BAG2: variants seen among roughly 807,000 people sequenced by gnomAD.
BAG2 encodes BAG cochaperone 2, also known as BAG family molecular chaperone regulator 2.
BAG2 carries 8 observed loss-of-function variants against 16.4 expected under a neutral mutation model. That is an observed-to-expected ratio of 0.49 (90% confidence interval 0.29 to 0.88). BAG2 has a LOEUF of 0.88. Ranked by LOEUF, BAG2 falls within the 40% of genes least tolerant of loss-of-function variation. The probability of loss-of-function intolerance (pLI) is 0.09; values close to 1 mark genes in which losing one functional copy is unlikely to be tolerated. For synonymous variants in BAG2, 82 were observed against 89.2 expected, an observed-to-expected ratio of 0.92 and a Z score of 0.46; for missense variants, 218 against 248.9, an observed-to-expected ratio of 0.88 and a Z score of 0.84.
chr6:57,184,016 G>A lies in BAG2; in HGVS notation c.462G>A (p.Lys154=). 6.2e-7 allele frequency: 1 copy of A among 1,613,086 alleles called. No homozygotes were observed. The highest frequency in any genetic ancestry group is 1.3e-5 in the African/African-American group (1 of 74,958). Residue 154 remains lysine (K), a synonymous_variant, in exon 3 of 3, where the codon AAG becomes AAA. Transcript: ENST00000370693. ...SEVPHGPVDQ[K]FQSIVIGCAL... is the part of the protein sequence containing the mutation. ...TGCCACATGGGCCAGTTGATCAGAA[G>A]TTTCAATCCATAGTAATTGGCTGTG... is the stretch of plus-strand genomic sequence containing the variant.
At position 57,188,752 on chromosome 6, in the gene BAG2, C is replaced by G. The variant is rs1027866017; in HGVS notation, c.*4562C>G. On this transcript the variant is annotated 3_prime_UTR_variant, in exon 3 of 3. Coordinates refer to ENST00000370693, the MANE Select transcript of BAG2 (RefSeq NM_004282.4). ...TACATTACTGTGAAATAGATAATGC[C>G]AGATCATTTCAATATAATGAAAAGC... 1.3e-5 allele frequency: 2 copies of G among 152,106 alleles called. No individual in the cohort carries two copies. Among genetic ancestry groups the G allele is most frequent in the Non-Finnish European group, 2.9e-5 (2 of 68,016 alleles). The allele number at this position is 152,106 out of a possible 1,614,324, so 9.4% of individuals were successfully genotyped here. A position where few individuals can be genotyped will look rare whatever the true frequency, so the allele number is the denominator to read the frequency against.
rs1163958454 is a variant in BAG2 at position 57,184,132 on chromosome 6, A to AT, written c.580dup (p.Ser194PhefsTer2). 6.3e-7 allele frequency: 1 copy of AT among 1,578,716 alleles called. No homozygotes were observed. Among genetic ancestry groups the AT allele is most frequent in the East Asian group, 2.2e-5 (1 of 44,776 alleles). ...GACAAGGCCATCAAGCTATTAGAGC[A>AT]TTCTAAAGGAGCTGGTTCCAAAACT... On this transcript the variant is annotated frameshift_variant, in exon 3 of 3. Coordinates refer to ENST00000370693, the MANE Select transcript of BAG2 (RefSeq NM_004282.4). LOFTEE classifies it high-confidence loss of function.
In BAG2 at chr6:57,183,860, A is replaced by G; in HGVS notation, c.306A>G (p.Arg102=). 1 of 1,614,062 alleles carries G rather than the reference A, an allele frequency of 6.2e-7. No homozygotes were observed. The highest frequency in any genetic ancestry group is 1.1e-5 in the South Asian group (1 of 91,034). Residue 102 remains arginine (R), a synonymous_variant, in exon 3 of 3, where the codon AGA becomes AGG. Coordinates refer to ENST00000370693, the MANE Select transcript of BAG2 (RefSeq NM_004282.4). The stretch of plus-strand genomic sequence containing the variant: ...TTGAAGTGTCAGTAGAAACAATTAG[A>G]AACCCCCAGCAGCAAGAATCCCTAA... ...LTVEVSVETI[R]NPQQQESLKH... is the part of the protein sequence containing the mutation.
intron 2 of BAG2, among the ~76,000 whole-genome samples, chr6:57,183,565 G>A (rs1764534410): frequency 6.6e-6 from 1 of 152,088 alleles, no homozygotes; most frequent in Admixed American, 6.6e-5. Flanking sequence ...AAGTCATCTG[G>A]TATCCCATAT....
chr6:57,183,202 G>A (rs972529894), intron 2 of BAG2, among the ~76,000 whole-genome samples: 2 of 152,184 alleles, frequency 1.3e-5, no homozygotes, highest in Admixed American at 1.3e-4. Flanking sequence ...ACAGAAGCAG[G>A]AGCTTGCTGA....
In BAG2 at chr6:57,188,754, G is replaced by T. The variant is rs1432753034; in HGVS notation, c.*4564G>T. 11 of 152,060 alleles carry T rather than the reference G, an allele frequency of 7.2e-5. No individual in the cohort carries two copies. Among genetic ancestry groups the T allele is most frequent in the Admixed American group, 3.3e-4 (5 of 15,268 alleles). 9.4% of individuals were successfully genotyped at this position (152,060 alleles called of 1,614,324 possible). A position where few individuals can be genotyped will look rare whatever the true frequency, so the allele number is the denominator to read the frequency against. On this transcript the variant is annotated 3_prime_UTR_variant, in exon 3 of 3. Transcript: ENST00000370693. ...CATTACTGTGAAATAGATAATGCCA[G>T]ATCATTTCAATATAATGAAAAGCAA...
intron 1 of BAG2, chr6:57,173,370 A>T (rs1764184447): frequency 1.0e-6 from 1 of 985,278 alleles, no homozygotes. Flanking sequence ...GTAGGCAGTA[A>T]GTTACCGGGT....
At chr6:57,179,754 A>T (rs1245208920) in intron 1 of BAG2, among the ~76,000 whole-genome samples, 1 of 152,052 alleles carries the variant, frequency 6.6e-6, no homozygotes, top group Non-Finnish European at 1.5e-5. Flanking sequence ...TCCACAGCTT[A>T]GTTTTTTAGT....
In BAG2 at chr6:57,182,094, T is replaced by C. The variant is rs1764465855; in HGVS notation, c.176T>C (p.Met59Thr). The change falls in exon 2 of 3, where the codon ATG becomes ACG. Residue 59 changes from methionine to threonine, a missense_variant. By Grantham distance (81) the Met-to-Thr change is moderately conservative (BLOSUM62 -1). This residue lies in a region of BAG2 where 30 missense variants were observed against 57.8 expected (regional missense o/e 0.52). Coordinates refer to ENST00000370693, the MANE Select transcript of BAG2 (RefSeq NM_004282.4). ...CAAGAGAAAGAAATCCTTCTGGAAA[T>C]GATCCACAGTATCCAAAATAGCCAG... ...VEQEKEILLEMIHSIQNSQDM... is the reference protein window; with the variant it reads ...VEQEKEILLETIHSIQNSQDM... 1.2e-6 allele frequency: 2 copies of C among 1,614,050 alleles called. No homozygotes were observed. The highest frequency in any genetic ancestry group is 1.7e-6 in the Non-Finnish European group (2 of 1,180,034).
At chr6:57,183,729 C>A in intron 2 of BAG2, 49 bp from the exon 3 acceptor site, 1 of 1,435,042 alleles carries the variant, frequency 7.0e-7, no homozygotes, top group Non-Finnish European at 9.3e-7. Flanking sequence ...CAAACAAATG[C>A]CTTAATGTTT....
chr6:57,176,592 C>G lies in BAG2; in HGVS notation c.113+3782C>G, dbSNP rs180749177. 6.6e-5 allele frequency among the ~76,000 whole-genome samples: 10 copies of G among 152,176 alleles called. No individual in the cohort carries two copies. The East Asian group carries it at 1.9e-3, about 29-fold the overall frequency. On this transcript the variant is annotated intron_variant, in intron 1 of 2. Coordinates refer to ENST00000370693, the MANE Select transcript of BAG2 (RefSeq NM_004282.4). ...TGGGAGATTGGCTTTTCATATGTTT[C>G]CCAAAACTTATAACACAGTGGCTCC...
At chr6:57,178,524 GT>G (rs976875541) in intron 1 of BAG2, among the ~76,000 whole-genome samples, 10 of 152,248 alleles carry the variant, frequency 6.6e-5, no homozygotes, top group Admixed American at 5.9e-4. Flanking sequence ...AAGCAATTGG[GT>G]TTTGAAAAAG....
rs1764733430 is a variant in BAG2, at chr6:57,189,172, A to G, written c.*4982A>G. On this transcript the variant is annotated 3_prime_UTR_variant, in exon 3 of 3. Coordinates refer to ENST00000370693, the MANE Select transcript of BAG2 (RefSeq NM_004282.4). ...AGTGACAAAATTTATGTCCTGACAC[A>G]TGATTACATATTAAATCATTTTGTA... The G allele has an allele frequency of 6.6e-6, 1 of 152,198 alleles. No individual in the cohort carries two copies. Among genetic ancestry groups the G allele is most frequent in the Admixed American group, 6.5e-5 (1 of 15,282 alleles). 9.4% of individuals were successfully genotyped at this position (152,198 alleles called of 1,614,324 possible).
chr6:57,181,880 T>A (rs1274524733), intron 1 of BAG2, 152 bp from the exon 2 acceptor site: 1 of 623,214 alleles, frequency 1.6e-6, no homozygotes, highest in Non-Finnish European at 2.7e-6. Context: ...GGCAAGTGTA[T>A]AGAAAAATGA....
chr6:57,181,371 A>G (rs1764435676), intron 1 of BAG2, among the ~76,000 whole-genome samples: 1 of 152,214 alleles, frequency 6.6e-6, no homozygotes, highest in Non-Finnish European at 1.5e-5. Context: ...GGAGTATTAT[A>G]CAGCAATTAG....
chr6:57,173,267 G>C (rs1317207736), intron 1 of BAG2: 2 of 985,830 alleles, frequency 2.0e-6, no homozygotes, highest in East Asian at 1.1e-4. Flanking sequence ...GGCCCTCCAC[G>C]TGAAGTTAAG....
Position 57,189,555 on chromosome 6 carries a change from A to G in BAG2, c.*5365A>G, listed in dbSNP as rs1764751076. Reference sequence around the variant, plus strand: ...GCTGACCTTATGAGAGCAGGAGCTCACCATGCTTATGGGTGACTATATCAA... The same window carrying G: ...GCTGACCTTATGAGAGCAGGAGCTCGCCATGCTTATGGGTGACTATATCAA... On this transcript the variant is annotated 3_prime_UTR_variant, in exon 3 of 3. Coordinates refer to ENST00000370693, the MANE Select transcript of BAG2 (RefSeq NM_004282.4). The G allele has an allele frequency of 6.6e-6, 1 of 152,372 alleles. No individual in the cohort carries two copies. Among genetic ancestry groups the G allele is most frequent in the Non-Finnish European group, 1.5e-5 (1 of 68,036 alleles). The allele number at this position is 152,372 out of a possible 1,614,324, so 9.4% of individuals were successfully genotyped here.
chr6:57,182,530 C>CAAA (rs758049333), intron 2 of BAG2, among the ~76,000 whole-genome samples: 21 of 41,420 alleles, frequency 5.1e-4, no homozygotes, highest in East Asian at 6.5e-4. Flanking sequence ...AAGTAGAGAC[C>CAAA]AAAAAAAAAA....
Position 57,172,815 on chromosome 6 carries a change from G to T in BAG2, c.113+5G>T, listed in dbSNP as rs1396925591. 6.6e-7 allele frequency: 1 copy of T among 1,515,292 alleles called. No individual in the cohort carries two copies. The highest frequency in any genetic ancestry group is 8.8e-7 in the Non-Finnish European group (1 of 1,130,450). 93.9% of individuals were successfully genotyped at this position (1,515,292 alleles called of 1,614,324 possible). ...CCTGGACCAGCTGGAGCTCAGGTGA[G>T]CTCCGGGCGGGCGGTCTCGGGCGTT... On this transcript the variant is annotated splice_donor_5th_base_variant and intron_variant, in intron 1 of 2. Coordinates refer to ENST00000370693, the MANE Select transcript of BAG2 (RefSeq NM_004282.4).
Sources: gnomAD v4.1 joint callset for allele counts (sites outside exome capture counted in the v4.1 genomes callset) on GRCh38, gnomAD v4.1.1 for gene constraint, gnomAD v4.1.1 regional missense constraint, MANE v1.5 for transcripts, NCBI Gene and HGNC (gene_info 2026-07-23, HGNC 2026-07-21) for gene names.